The following C2CD5 variants were observed in gnomAD, a reference collection of about 807,000 sequenced individuals.
C2CD5 encodes C2 calcium dependent domain containing 5.
A neutral mutation model predicts 130.3 loss-of-function variants in C2CD5; 109 were observed. The ratio of observed to expected loss-of-function variants is 0.84; its 90% CI spans 0.72 to 0.98. The LOEUF (loss-of-function observed/expected upper bound fraction) is 0.98. C2CD5 is among the 50% of genes least tolerant of loss of function. The pLI is 0.00. For synonymous variants in C2CD5, 454 were observed against 429.2 expected, an observed-to-expected ratio of 1.06 and a Z score of -0.71; for missense variants, 996 against 1,261.8, an observed-to-expected ratio of 0.79 and a Z score of 3.19.
chr12:22,458,202 A>G (rs1940362100), intron 24 of C2CD5, among the ~76,000 whole-genome samples: 1 of 152,184 alleles, frequency 6.6e-6, no homozygotes. Flanking sequence ...GAGAGTTGGC[A>G]ATTTACTTCC....
At chr12:22,526,180 C>T (rs952505866) in intron 4 of C2CD5, among the ~76,000 whole-genome samples, 5 of 152,094 alleles carry the variant, frequency 3.3e-5, no homozygotes, top group Non-Finnish European at 4.4e-5. Context: ...AAGCACAACA[C>T]GTATGCATTA....
rs776102266 is a variant in C2CD5, at chr12:22,506,741, C to T, written c.1117G>A (p.Val373Met). The change falls in exon 10 of 27, where the codon GTG becomes ATG. Residue 373 changes from valine to methionine, a missense_variant. This residue lies in a region of C2CD5 where 156 missense variants were observed against 165.9 expected (regional missense o/e 0.94). Coordinates refer to ENST00000446597, the MANE Select transcript of C2CD5 (RefSeq NM_001286176.2). ...TTGTGGATACGATCCAAAAGCTTCA[C>T]AGAACGTGCACTAACTACACCCCCA... ...HVGGVVSARS[V>M]KLLDRIHNPD... is the part of the protein sequence containing the mutation. 2.5e-6 allele frequency: 4 copies of T among 1,607,988 alleles called. No homozygotes were observed.
chr12:22,500,955 G>T (rs1403055812), intron 10 of C2CD5, among the ~76,000 whole-genome samples: 1 of 151,968 alleles, frequency 6.6e-6, no homozygotes, highest in Non-Finnish European at 1.5e-5. Flanking sequence ...TTCCTAACAT[G>T]GTTAGTTCTT....
chr12:22,461,903 AG>A (rs1287348586), intron 22 of C2CD5, among the ~76,000 whole-genome samples: 1 of 152,132 alleles, frequency 6.6e-6, no homozygotes, highest in Non-Finnish European at 1.5e-5. Context: ...TTTTTCTCCT[AG>A]AAAAAAAAGG....
intron 21 of C2CD5, among the ~76,000 whole-genome samples, chr12:22,470,336 G>T (rs1942821668): frequency 6.6e-6 from 1 of 152,038 alleles, no homozygotes; most frequent in Non-Finnish European, 1.5e-5. Flanking sequence ...GTGTTTTTCA[G>T]AACACACAGT....
At position 22,469,710 on chromosome 12, in the gene C2CD5, T is replaced by C. The variant is rs1196883680; in HGVS notation, c.2532A>G (p.Lys844=). The C allele has an allele frequency of 6.3e-7, 1 of 1,594,828 alleles. No homozygotes were observed. The highest frequency in any genetic ancestry group is 8.6e-7 in the Non-Finnish European group (1 of 1,169,450). The change falls in exon 22 of 27, where the codon AAA becomes AAG. Residue 844 remains lysine (K), a splice_region_variant and synonymous_variant. Transcript: ENST00000446597. ...SLPSHPFPPA[K]EHLESASSNS... ...TGCTTTTTCCCTCACTTAACCAACC[T>C]TTAGCTGGTGGAAAAGGATGAGAAG...
rs1165906991 is a variant in C2CD5 at position 22,478,401 on chromosome 12, C to G, written c.1814G>C (p.Gly605Ala). 6.2e-7 allele frequency: 1 copy of G among 1,612,454 alleles called. No homozygotes were observed. The highest frequency in any genetic ancestry group is 8.5e-7 in the Non-Finnish European group (1 of 1,178,714). Residue 605 changes from glycine to alanine, a missense_variant, in exon 15 of 27, where the codon GGC becomes GCC. This residue lies in a region of C2CD5 where 590 missense variants were observed against 631.4 expected (regional missense o/e 0.93). Coordinates refer to ENST00000446597, the MANE Select transcript of C2CD5 (RefSeq NM_001286176.2). Reference sequence around the variant, plus strand: ...ATGAGAGATGTGTTGTTCATATGAGCCATCATTAGGAGTCTTCCCAGCAAT... The same window carrying G: ...ATGAGAGATGTGTTGTTCATATGAGGCATCATTAGGAGTCTTCCCAGCAAT... ...IQIAGKTPND[G>A]SYEQHISHMQ...
At chr12:22,474,675 A>C in intron 16 of C2CD5, 76 bp downstream of exon 16, 4 of 1,015,536 alleles carry the variant, frequency 3.9e-6, no homozygotes, top group Non-Finnish European at 5.7e-6. Flanking sequence ...TAAAAGTATC[A>C]TATTAATTTA....
intron 3 of C2CD5, among the ~76,000 whole-genome samples, chr12:22,532,613 T>C (rs1951401312): frequency 6.6e-6 from 1 of 152,142 alleles, no homozygotes; most frequent in Admixed American, 6.6e-5. Context: ...CTTCCAACAC[T>C]AAAAGAAAGA....
intron 10 of C2CD5, among the ~76,000 whole-genome samples, chr12:22,501,912 ACTTT>A (rs1439383207): frequency 1.4e-4 from 22 of 152,116 alleles, no homozygotes; most frequent in Non-Finnish European, 3.2e-4. Context: ...TGTAAGATAT[ACTTT>A]CTGAGACAAA....
chr12:22,526,299 T>C (rs12823175), intron 4 of C2CD5, among the ~76,000 whole-genome samples: 1 of 152,326 alleles, frequency 6.6e-6, no homozygotes. Flanking sequence ...TGACAACATT[T>C]GCTGAGCACT....
chr12:22,525,922 C>G (rs1237798449), intron 4 of C2CD5, among the ~76,000 whole-genome samples: 1 of 152,102 alleles, frequency 6.6e-6, no homozygotes, highest in African/African-American at 2.4e-5. Flanking sequence ...AAAAAATAGT[C>G]TTTGTTTTAG....
chr12:22,541,674 C>T lies in C2CD5; in HGVS notation c.90+2387G>A, dbSNP rs560430959. ...GCAGGCTCCTTCTCATCCAGCAGAT[C>T]TTGGTTTTGACAAACACTTTTCTCA... is the stretch of plus-strand genomic sequence containing the variant. On this transcript the variant is annotated intron_variant, in intron 2 of 26. Transcript: ENST00000446597. Among the ~76,000 whole-genome samples, 20 of 152,334 alleles carry T rather than the reference C, an allele frequency of 1.3e-4. No individual in the cohort carries two copies. The South Asian group carries it at 3.9e-3, about 30-fold the overall frequency.
intron 3 of C2CD5, among the ~76,000 whole-genome samples, chr12:22,530,111 T>TATATATATATACAC (rs1301636778): frequency 2.3e-5 from 2 of 87,554 alleles, no homozygotes; most frequent in Non-Finnish European, 4.0e-5. Context: ...TATATATATA[T>TATATATATATACAC]ACACACACAC....
At chr12:22,520,614 A>T (rs1950184078) in intron 7 of C2CD5, among the ~76,000 whole-genome samples, 1 of 152,162 alleles carries the variant, frequency 6.6e-6, no homozygotes, top group African/African-American at 2.4e-5. Context: ...CTGAAGTGAG[A>T]AAAAGTATAA....
In C2CD5 at chr12:22,487,392, G is replaced by A. The variant is rs889506127; in HGVS notation, c.1359-2504C>T. ...CAACTCCATCAAAAAGTAGGTGAAG[G>A]ATATGAACAGACATTTCTCAAAAGA... On this transcript the variant is annotated intron_variant, in intron 12 of 26. Transcript: ENST00000446597. Among the ~76,000 whole-genome samples, 144 of 152,244 alleles carry A rather than the reference G, an allele frequency of 9.5e-4. 13 individuals carry two copies. The highest frequency in any genetic ancestry group is 3.4e-3 in the Middle Eastern group (1 of 294).
At position 22,477,422 on chromosome 12, in the gene C2CD5, C is replaced by T. The variant is rs184462710; in HGVS notation, c.1902+891G>A. The T allele has an allele frequency of 3.3e-4, 50 of 152,150 alleles. 1 individual carries two copies. The highest frequency in any genetic ancestry group is 1.1e-3 in the African/African-American group (45 of 41,530). 9.4% of individuals were successfully genotyped at this position (152,150 alleles called of 1,614,324 possible). A position where few individuals can be genotyped will look rare whatever the true frequency, so the allele number is the denominator to read the frequency against. On this transcript the variant is annotated intron_variant, in intron 15 of 26. Coordinates refer to ENST00000446597, the MANE Select transcript of C2CD5 (RefSeq NM_001286176.2). ...AATATGATGAAAGCTATACATGTGA[C>T]GCAACAATCCAGACACACTGTTCCA...
chr12:22,541,493 C>T (rs1382972912), intron 2 of C2CD5, among the ~76,000 whole-genome samples: 1 of 152,194 alleles, frequency 6.6e-6, no homozygotes, highest in East Asian at 1.9e-4. Context: ...GATTAACTCT[C>T]CAACTTTATC....
intron 8 of C2CD5, chr12:22,514,959 C>A: frequency 2.0e-6 from 2 of 984,702 alleles, no homozygotes; most frequent in Non-Finnish European, 2.4e-6. Flanking sequence ...GTGATCCTAC[C>A]AGAAGCAGCC....
Sources: gnomAD v4.1 joint callset for allele counts (sites outside exome capture counted in the v4.1 genomes callset) on GRCh38, gnomAD v4.1.1 for gene constraint, gnomAD v4.1.1 regional missense constraint, MANE v1.5 for transcripts, NCBI Gene and HGNC (gene_info 2026-07-23, HGNC 2026-07-21) for gene names.